Variants in NR2F2 observed in about 807,000 individuals in gnomAD.
NR2F2 encodes the protein COUP transcription factor 2.
In NR2F2, 2 loss-of-function variants were observed where a neutral mutation model predicts 34.8. The observed-to-expected ratio is 0.06, with a 90% CI of 0.02 to 0.18. The LOEUF (loss-of-function observed/expected upper bound fraction) is 0.18. Ranked by LOEUF, NR2F2 falls within the 10% of genes least tolerant of loss-of-function variation. NR2F2 has a pLI of 1.00. For missense variants in NR2F2, 300 were observed against 580.1 expected (o/e 0.52, Z 4.96); for synonymous variants, 274 against 251.8 (o/e 1.09, Z -0.84).
Position 96,337,490 on chromosome 15 carries a change from C to T in NR2F2, c.1113C>T (p.Arg371=), listed in dbSNP as rs1216269458. The change falls in exon 3 of 3, where the codon CGC becomes CGT. Residue 371 remains arginine (R), a synonymous_variant. Transcript: ENST00000394166. ...TTTTGCTTCGCCTCCCTTCCCTCCGCACCGTCTCCTCCTCAGTCATAGAGC... is the reference window on the plus strand; with the variant it reads ...TTTTGCTTCGCCTCCCTTCCCTCCGTACCGTCTCCTCCTCAGTCATAGAGC... ...GKLLLRLPSL[R]TVSSSVIEQL... is the part of the protein sequence containing the mutation. 5.0e-6 allele frequency: 8 copies of T among 1,614,142 alleles called. No individual in the cohort carries two copies. The highest frequency in any genetic ancestry group is 6.8e-6 in the Non-Finnish European group (8 of 1,180,038).
intron 1 of NR2F2, chr15:96,333,800 C>T: frequency 7.2e-7 from 1 of 1,388,022 alleles, no homozygotes; most frequent in Non-Finnish European, 9.3e-7. Context: ...CCGGGGACCC[C>T]GAGGCAAGGT....
chr15:96,326,458 G>A (rs1389584780), upstream of NR2F2: 22 of 981,914 alleles, frequency 2.2e-5, no homozygotes, highest in Admixed American at 2.7e-4. The surrounding 1 kb of genome is among the most constrained non-coding windows in gnomAD (Gnocchi z 5.5). Context: ...ATATCGGTTT[G>A]CTAACGTGTA....
Position 96,331,687 on chromosome 15 carries a change from A to G in NR2F2, c.-419A>G, listed in dbSNP as rs558091667. 34 of 1,084,570 alleles carry G rather than the reference A, an allele frequency of 3.1e-5. No individual in the cohort carries two copies. Among genetic ancestry groups the G allele is most frequent in the Admixed American group, 1.7e-4 (4 of 22,956 alleles). The allele number at this position is 1,084,570 out of a possible 1,614,324, so 67.2% of individuals were successfully genotyped here. ...GAGTGAGAGCGAGCGAGATCTTTGG[A>G]GAGATTTTTTTTTTTGCCTCCTACT... On this transcript the variant is annotated 5_prime_UTR_variant, in exon 1 of 3. Transcript: ENST00000394166.
chr15:96,332,672 GT>G, intron 1 of NR2F2, 125 bp downstream of exon 1: 2 of 1,456,110 alleles, frequency 1.4e-6, no homozygotes, highest in Non-Finnish European at 1.8e-6. Flanking sequence ...GCGGAAAAGG[GT>G]TTTATACTAG....
intron 1 of NR2F2, chr15:96,333,607 G>C (rs1899224084): frequency 9.8e-7 from 1 of 1,018,058 alleles, no homozygotes; most frequent in African/African-American, 1.7e-5. Context: ...GGGGTTTGTG[G>C]GAGAGTCGTT....
At chr15:96,333,826 C>T (rs1287499085) in intron 1 of NR2F2, 5 of 1,407,310 alleles carry the variant, frequency 3.6e-6, no homozygotes, top group Non-Finnish European at 4.6e-6. Flanking sequence ...ATTCTGGGTC[C>T]TCGGCGGACC....
chr15:96,330,661 C>G (rs1382845627), upstream of NR2F2: 1 of 161,268 alleles, frequency 6.2e-6, no homozygotes, highest in African/African-American at 2.4e-5. Context: ...GCAGTCGTGT[C>G]AAAGTTCACT....
At position 96,331,016 on chromosome 15, in the gene NR2F2, G is replaced by A; in HGVS notation, c.-1090G>A. ...TTATCATTTCTCCCCCGCCGCCGGC[G>A]AGTTGACTCTTTCCCTATGTGTGTG... On this transcript the variant is annotated 5_prime_UTR_variant, in exon 1 of 3. Transcript: ENST00000394166. The A allele has an allele frequency of 4.9e-6, 6 of 1,225,824 alleles. No homozygotes were observed. The highest frequency in any genetic ancestry group is 3.0e-4 in the Middle Eastern group (1 of 3,318). 75.9% of individuals were successfully genotyped at this position (1,225,824 alleles called of 1,614,324 possible). A position where few individuals can be genotyped will look rare whatever the true frequency, so the allele number is the denominator to read the frequency against.
intron 1 of NR2F2, chr15:96,333,334 T>C (rs1049030751): frequency 8.0e-6 from 8 of 1,001,762 alleles, no homozygotes; most frequent in African/African-American, 1.7e-5. Flanking sequence ...CGAGAGCGAC[T>C]CTCCCGGTCC....
Position 96,338,005 on chromosome 15 carries a change from A to G in NR2F2, c.*383A>G. 6.0e-6 allele frequency: 1 copy of G among 165,900 alleles called. No homozygotes were observed. Among genetic ancestry groups the G allele is most frequent in the Admixed American group, 5.9e-5 (1 of 16,982 alleles). The allele number at this position is 165,900 out of a possible 1,614,324, so 10.3% of individuals were successfully genotyped here. A position where few individuals can be genotyped will look rare whatever the true frequency, so the allele number is the denominator to read the frequency against. The stretch of plus-strand genomic sequence containing the variant: ...AGTAAGTCTTTTTTTTTTCCAAATT[A>G]TTAATTGTCCTGTGTCTATGTACCT... On this transcript the variant is annotated 3_prime_UTR_variant, in exon 3 of 3. Transcript: ENST00000394166.
At position 96,334,545 on chromosome 15, in the gene NR2F2, G is replaced by T. The variant is rs550114728; in HGVS notation, c.912G>T (p.Ala304=). 14 of 1,613,078 alleles carry T rather than the reference G, an allele frequency of 8.7e-6. No homozygotes were observed. Among genetic ancestry groups the T allele is most frequent in the South Asian group, 2.2e-5 (2 of 91,080 alleles). The change falls in exon 2 of 3, where the codon GCG becomes GCT. Residue 304 remains alanine (A), a synonymous_variant. Transcript: ENST00000394166. Reference sequence around the variant, plus strand: ...AAGAGCAAGTGGAGAAGCTCAAGGCGCTGCACGTTGACTCAGCCGAGTACA... The same window carrying T: ...AAGAGCAAGTGGAGAAGCTCAAGGCTCTGCACGTTGACTCAGCCGAGTACA... ...IFQEQVEKLK[A]LHVDSAEYSC... is the part of the protein sequence containing the mutation.
intron 2 of NR2F2, among the ~76,000 whole-genome samples, chr15:96,337,139 G>A (rs1445154591): frequency 6.6e-6 from 1 of 151,990 alleles, no homozygotes; most frequent in Non-Finnish European, 1.5e-5. Flanking sequence ...ACCATCTCTT[G>A]CTCTTTCTTC....
chr15:96,336,268 T>C lies in NR2F2; in HGVS notation c.971-1080T>C, dbSNP rs1206791633. On this transcript the variant is annotated intron_variant, in intron 2 of 2. Transcript: ENST00000394166. The stretch of plus-strand genomic sequence containing the variant: ...CACAAAGAGATAAAGGTTCCTGTTA[T>C]CTGATTCAGAGGGAGACACACAGTT... Among the ~76,000 whole-genome samples the C allele has an allele frequency of 7.2e-5, 11 of 152,330 alleles. No homozygotes were observed. In the South Asian group the frequency reaches 1.2e-3, roughly 17 times the overall value.
intron 2 of NR2F2, among the ~76,000 whole-genome samples, chr15:96,336,834 G>A (rs1271574808): frequency 6.6e-6 from 1 of 152,140 alleles, no homozygotes; most frequent in African/African-American, 2.4e-5. Context: ...AGAAAAATGA[G>A]TCGCCCTCTT....
At position 96,334,215 on chromosome 15, in the gene NR2F2, G is replaced by A. The variant is rs1398289040; in HGVS notation, c.582G>A (p.Ser194=). 6 of 1,614,080 alleles carry A rather than the reference G, an allele frequency of 3.7e-6. No homozygotes were observed. In the South Asian group the frequency reaches 6.6e-5, roughly 18 times the overall value. ...TGCGCGCGGAGCCCTATCCCACGTCGCGCTTCGGCAGCCAATGCATGCAGC... is the reference window on the plus strand; with the variant it reads ...TGCGCGCGGAGCCCTATCCCACGTCACGCTTCGGCAGCCAATGCATGCAGC... ...LLLRAEPYPT[S]RFGSQCMQPN... is the part of the protein sequence containing the mutation. The change falls in exon 2 of 3, where the codon TCG becomes TCA. Residue 194 remains serine (S), a synonymous_variant. Transcript: ENST00000394166.
intron 2 of NR2F2, among the ~76,000 whole-genome samples, chr15:96,335,451 C>G (rs1355742490): frequency 6.6e-6 from 1 of 152,244 alleles, no homozygotes; most frequent in African/African-American, 2.4e-5. Context: ...TTGAAGGTGT[C>G]TGGCTTTCCA....
intron 1 of NR2F2, chr15:96,333,450 G>T: frequency 1.0e-6 from 1 of 1,002,844 alleles, no homozygotes; most frequent in Non-Finnish European, 1.2e-6. Context: ...GCCTCTCCCG[G>T]CTTCCTCTCT....
At chr15:96,333,227 C>G in intron 1 of NR2F2, 1 of 527,968 alleles carries the variant, frequency 1.9e-6, no homozygotes, top group Non-Finnish European at 2.5e-6. Context: ...TAAAATTCGC[C>G]GAGCGCCGCG....
rs1311412709 is a variant in NR2F2, at chr15:96,339,976, A to G, written c.*2354A>G. On this transcript the variant is annotated 3_prime_UTR_variant, in exon 3 of 3. Coordinates refer to ENST00000394166, the MANE Select transcript of NR2F2 (RefSeq NM_021005.4). ...CAGACCAGTAAAATCTGATTTGTGCAGAGTTCTCCATCTGACTCTCACTTA... is the reference window on the plus strand; with the variant it reads ...CAGACCAGTAAAATCTGATTTGTGCGGAGTTCTCCATCTGACTCTCACTTA... 3 of 152,226 alleles carry G rather than the reference A, an allele frequency of 2.0e-5. No individual in the cohort carries two copies. The highest frequency in any genetic ancestry group is 1.9e-4 in the East Asian group (1 of 5,204). 9.4% of individuals were successfully genotyped at this position (152,226 alleles called of 1,614,324 possible).
Sources: gnomAD v4.1 joint callset for allele counts (sites outside exome capture counted in the v4.1 genomes callset) on GRCh38, gnomAD v4.1.1 for gene constraint, Gnocchi (gnomAD v3.1) non-coding constraint, MANE v1.5 for transcripts, NCBI Gene and HGNC (gene_info 2026-07-23, HGNC 2026-07-21) for gene names.